The following CAST variants were observed in gnomAD, a reference collection of about 807,000 sequenced individuals.
CAST encodes the protein calpastatin, also known as MIR583 host.
CAST carries 76 observed loss-of-function variants against 119.6 expected under a neutral mutation model. The ratio of observed to expected loss-of-function variants is 0.64; its 90% confidence interval spans 0.53 to 0.77. The LOEUF is 0.77. Among genes scored for constraint, CAST ranks in the 30% least tolerant of loss-of-function variants. The probability of loss-of-function intolerance (pLI) is 0.00; values close to 1 mark genes in which losing one functional copy is unlikely to be tolerated. For missense variants in CAST, 953 were observed against 946.5 expected, an observed-to-expected ratio of 1.01 and a Z score of -0.09; for synonymous variants, 319 against 331.6, an observed-to-expected ratio of 0.96 and a Z score of 0.41.
chr5:96,169,057 T>G, the CAST span, among the ~76,000 whole-genome samples: 1 of 152,162 alleles, frequency 6.6e-6, no homozygotes. Flanking sequence ...GGCTCTTGTG[T>G]AAGAATTCTG....
At position 96,752,464 on chromosome 5, in the gene CAST, C is replaced by G. The variant is rs1765266816; in HGVS notation, c.1525-1596C>G. 7.4e-5 allele frequency among the ~76,000 whole-genome samples: 11 copies of G among 148,770 alleles called. No homozygotes were observed. In the Admixed American group the frequency reaches 7.4e-4, roughly 10 times the overall value. On this transcript the variant is annotated intron_variant, in intron 20 of 31. Coordinates refer to ENST00000675179, the MANE Select transcript of CAST (RefSeq NM_001750.7). ...ATAAGACTTGGGTACCAGTGCAACT[C>G]TTGATATCCTTGATTAGAGTGTTGC...
chr5:96,029,835 T>A, the CAST span, among the ~76,000 whole-genome samples: 46 of 152,242 alleles, frequency 3.0e-4, 1 homozygote, highest in South Asian at 9.5e-3. Context: ...GCATGTGAAA[T>A]TAATGTTCAC....
the CAST span, among the ~76,000 whole-genome samples, chr5:96,300,705 TATTA>T: frequency 8.5e-5 from 13 of 152,172 alleles, no homozygotes; most frequent in African/African-American, 3.1e-4. Context: ...ATTTTAACAA[TATTA>T]ATTCTTTCTA....
At chr5:96,673,403 G>A (rs1432552703) in intron 1 of CAST, among the ~76,000 whole-genome samples, 1 of 152,196 alleles carries the variant, frequency 6.6e-6, no homozygotes, top group Non-Finnish European at 1.5e-5. Context: ...AGCAGCATGA[G>A]CAGCAAGCTT....
intron 1 of CAST, among the ~76,000 whole-genome samples, chr5:96,539,599 A>G (rs1323895345): frequency 1.3e-5 from 2 of 152,176 alleles, no homozygotes; most frequent in East Asian, 3.8e-4. Flanking sequence ...CCATCATAAT[A>G]GTATCACACA....
the CAST span, among the ~76,000 whole-genome samples, chr5:96,038,709 T>C: frequency 6.6e-6 from 1 of 152,186 alleles, no homozygotes; most frequent in Admixed American, 6.5e-5. Context: ...ACTCATCCTT[T>C]TTTATGGCTG....
At chr5:96,703,436 A>AC (rs1581032512) in intron 3 of CAST, among the ~76,000 whole-genome samples, 1 of 152,282 alleles carries the variant, frequency 6.6e-6, no homozygotes, top group East Asian at 1.9e-4. Flanking sequence ...CAAGTGTTGT[A>AC]ACCTGTTTCG....
Position 96,762,316 on chromosome 5 carries a change from G to C in CAST, c.1876G>C (p.Val626Leu). The C allele has an allele frequency of 6.2e-7, 1 of 1,608,860 alleles. No individual in the cohort carries two copies. The stretch of plus-strand genomic sequence containing the variant: ...ACTTGCTGCTGCCATCTCTGAAGTG[G>C]TTTCCCAAACCCCAGCTTCAACGAC... ...AKLAAAISEV[V>L]SQTPASTTQA... is the part of the protein sequence containing the mutation. The change falls in exon 25 of 32, where the codon GTT becomes CTT. Residue 626 changes from valine (V) to leucine (L), a missense_variant. By Grantham distance (32) the Val-to-Leu change is conservative (BLOSUM62 1). Transcript: ENST00000675179.
the CAST span, among the ~76,000 whole-genome samples, chr5:96,309,452 G>A: frequency 2.0e-5 from 3 of 152,196 alleles, no homozygotes; most frequent in African/African-American, 7.2e-5. Flanking sequence ...CTCTTTCCAG[G>A]GGAGTGAACG....
the CAST span, among the ~76,000 whole-genome samples, chr5:96,139,414 A>G: frequency 2.5e-4 from 38 of 151,404 alleles, no homozygotes; most frequent in African/African-American, 9.2e-4. Context: ...CTAATCTTGG[A>G]AAATTTAACC....
At chr5:96,464,171 A>T in the CAST span, among the ~76,000 whole-genome samples, 1 of 151,992 alleles carries the variant, frequency 6.6e-6, no homozygotes, top group African/African-American at 2.4e-5. Context: ...ACACACTTTT[A>T]CTGACATTGA....
chr5:96,328,431 C>CTCTCTCTCTCTCT, the CAST span, among the ~76,000 whole-genome samples: 1 of 132,138 alleles, frequency 7.6e-6, no homozygotes, highest in Non-Finnish European at 1.6e-5. Context: ...CTCTCTCTCT[C>CTCTCTCTCTCTCT]CTTGTGACAT....
At chr5:96,607,020 A>G (rs921852166) in intron 1 of CAST, among the ~76,000 whole-genome samples, 2 of 152,158 alleles carry the variant, frequency 1.3e-5, no homozygotes, top group Non-Finnish European at 2.9e-5. Flanking sequence ...CGGGCGCGGT[A>G]GCTCACGCCT....
chr5:95,972,559 CT>C, the CAST span, among the ~76,000 whole-genome samples: 10 of 151,596 alleles, frequency 6.6e-5, no homozygotes, highest in South Asian at 2.1e-3. Context: ...ATCTTTTGTC[CT>C]TTTAAAAAAA....
the CAST span, among the ~76,000 whole-genome samples, chr5:96,257,262 C>T: frequency 6.6e-6 from 1 of 152,100 alleles, no homozygotes; most frequent in Non-Finnish European, 1.5e-5. Context: ...CAAAGCAGTT[C>T]TAGAGTCATC....
chr5:96,619,613 G>C (rs1353515274), intron 1 of CAST, among the ~76,000 whole-genome samples: 1 of 152,192 alleles, frequency 6.6e-6, no homozygotes, highest in Non-Finnish European at 1.5e-5. Flanking sequence ...TTTATGAGCT[G>C]TAACGCTCAC....
At chr5:96,130,893 A>G in the CAST span, among the ~76,000 whole-genome samples, 7 of 152,132 alleles carry the variant, frequency 4.6e-5, no homozygotes, top group African/African-American at 1.7e-4. Flanking sequence ...GCTTACAAGC[A>G]TGCAGAAAAA....
At chr5:96,720,669 G>C (rs10447215) in intron 3 of CAST, among the ~76,000 whole-genome samples, 14,191 of 152,326 alleles carry the variant, frequency 0.093, 862 homozygotes, top group Middle Eastern at 0.16. Flanking sequence ...TCTGTATAGA[G>C]ATTTTACTGT....
chr5:96,683,842 CTATT>C (rs1751733753), intron 2 of CAST, among the ~76,000 whole-genome samples: 1 of 152,200 alleles, frequency 6.6e-6, no homozygotes, highest in Non-Finnish European at 1.5e-5. Flanking sequence ...TTAAAGCAAT[CTATT>C]TATCCTAAGA....
Sources: allele counts gnomAD v4.1 joint callset (sites outside exome capture counted in the v4.1 genomes callset), GRCh38; gene constraint gnomAD v4.1.1; transcripts MANE v1.5; gene names NCBI Gene and HGNC (gene_info 2026-07-23, HGNC 2026-07-21).